CDH13: variants seen among roughly 807,000 people sequenced by gnomAD.
CDH13 encodes the protein cadherin 13.
Under a neutral mutation model 63.8 loss-of-function variants are expected in CDH13, and 24 were observed. That is an observed-to-expected ratio of 0.38 (90% CI 0.27 to 0.53). CDH13 has a LOEUF of 0.53. Ranked by LOEUF, CDH13 falls within the 20% of genes least tolerant of loss-of-function variation. CDH13 has a pLI of 0.85. For missense variants in CDH13, 1,049 were observed against 903.1 expected, an observed-to-expected ratio of 1.16 and a Z score of -2.07; for synonymous variants, 503 against 355.3, an observed-to-expected ratio of 1.42 and a Z score of -4.67.
intron 7 of CDH13, among the ~76,000 whole-genome samples, chr16:83,554,063 A>G (rs1424744247): frequency 6.6e-6 from 1 of 152,210 alleles, no homozygotes; most frequent in Non-Finnish European, 1.5e-5. Flanking sequence ...CTAGGTCAAA[A>G]GGTATGATCA....
In CDH13 at chr16:83,511,229, A is replaced by T. The variant is rs115584277; in HGVS notation, c.960+24574A>T. 8.2e-3 allele frequency among the ~76,000 whole-genome samples: 1,244 copies of T among 152,360 alleles called. 23 individuals are homozygous for T. Among genetic ancestry groups the T allele is most frequent in the African/African-American group, 0.029 (1,202 of 41,584 alleles). ...GTGATCCCAACACTTTGGGAGGCCT[A>T]CAAGGGCAGATCAACTGAAATCAGG... On this transcript the variant is annotated intron_variant, in intron 7 of 13. Transcript: ENST00000567109.
At chr16:83,488,328 A>C (rs2073939677) in intron 7 of CDH13, among the ~76,000 whole-genome samples, 1 of 152,186 alleles carries the variant, frequency 6.6e-6, no homozygotes, top group African/African-American at 2.4e-5. Context: ...ACTGCCTAGC[A>C]TGGTTGAAGT....
chr16:82,943,162 C>G (rs754946754), intron 2 of CDH13, among the ~76,000 whole-genome samples: 6 of 152,278 alleles, frequency 3.9e-5, no homozygotes, highest in Non-Finnish European at 8.8e-5. Flanking sequence ...TTATTGTCAT[C>G]TCCCACTTAC....
intron 5 of CDH13, among the ~76,000 whole-genome samples, chr16:83,276,319 T>C (rs1160894456): frequency 6.6e-6 from 1 of 152,126 alleles, no homozygotes; most frequent in East Asian, 1.9e-4. Context: ...TGGCCCCTCA[T>C]TGAATAAGTT....
chr16:83,753,204 C>T (rs1377248593), intron 11 of CDH13, among the ~76,000 whole-genome samples: 1 of 152,102 alleles, frequency 6.6e-6, no homozygotes, highest in Non-Finnish European at 1.5e-5. Flanking sequence ...AAAAACTTAC[C>T]TCTAGTATTA....
At chr16:83,672,409 CTTTTTTTTTTTTT>C (rs34156503) in intron 9 of CDH13, among the ~76,000 whole-genome samples, 104 of 35,142 alleles carry the variant, frequency 3.0e-3, no homozygotes, top group African/African-American at 7.4e-3. Context: ...TCTGGATTCT[CTTTTTTTTTTTTT>C]TTTTTTTTTT....
intron 7 of CDH13, among the ~76,000 whole-genome samples, chr16:83,599,045 G>T (rs1907533397): frequency 6.6e-6 from 1 of 152,200 alleles, no homozygotes; most frequent in African/African-American, 2.4e-5. Context: ...TCAGGAGTGG[G>T]GTCAGCCCCA....
intron 1 of CDH13, among the ~76,000 whole-genome samples, chr16:82,845,980 G>T (rs186804104): frequency 1.4e-3 from 211 of 152,326 alleles, no homozygotes; most frequent in African/African-American, 4.7e-3. Flanking sequence ...GACAAAAATT[G>T]TGATTTCACT....
intron 2 of CDH13, among the ~76,000 whole-genome samples, chr16:82,959,443 G>C (rs566831670): frequency 6.6e-6 from 1 of 152,168 alleles, no homozygotes. Context: ...GAATGGCTTT[G>C]GTTCCTTTCT....
In CDH13 at chr16:83,268,345, T is replaced by A. The variant is rs532597208; in HGVS notation, c.636+50848T>A. On this transcript the variant is annotated intron_variant, in intron 5 of 13. Transcript: ENST00000567109. ...GGTGAGCTGTGTGTAGCCTGAGGGATCTGGCACATCCTTAGTTCTTTTCGC... is the reference window on the plus strand; with the variant it reads ...GGTGAGCTGTGTGTAGCCTGAGGGAACTGGCACATCCTTAGTTCTTTTCGC... 2.0e-5 allele frequency among the ~76,000 whole-genome samples: 3 copies of A among 152,318 alleles called. No individual in the cohort carries two copies. The East Asian group carries it at 5.8e-4, about 29-fold the overall frequency.
At chr16:82,831,386 A>G (rs2038534413) in intron 1 of CDH13, among the ~76,000 whole-genome samples, 2 of 150,128 alleles carry the variant, frequency 1.3e-5, no homozygotes, top group Admixed American at 6.8e-5. Context: ...CTATTTGATA[A>G]TTATATATCT....
chr16:82,955,515 C>T (rs766297388), intron 2 of CDH13, among the ~76,000 whole-genome samples: 1 of 152,194 alleles, frequency 6.6e-6, no homozygotes, highest in Non-Finnish European at 1.5e-5. Context: ...TCATCAGAAA[C>T]ATTTTTGGCC....
At chr16:83,136,317 A>C (rs1218731205) in intron 4 of CDH13, among the ~76,000 whole-genome samples, 1 of 151,778 alleles carries the variant, frequency 6.6e-6, no homozygotes, top group African/African-American at 2.4e-5. Flanking sequence ...CCCTGTCTCT[A>C]CTAAAAAATA....
At chr16:83,061,203 T>A (rs1220944147) in intron 3 of CDH13, among the ~76,000 whole-genome samples, 1 of 152,178 alleles carries the variant, frequency 6.6e-6, no homozygotes, top group Non-Finnish European at 1.5e-5. Flanking sequence ...TGGTCTAGTG[T>A]AATGTCAGTT....
intron 10 of CDH13, among the ~76,000 whole-genome samples, chr16:83,737,612 C>T (rs948752599): frequency 6.6e-6 from 1 of 152,110 alleles, no homozygotes; most frequent in Non-Finnish European, 1.5e-5. Context: ...ACCTGGTTTC[C>T]ACCTCAGAGT....
chr16:82,808,054 A>C (rs2037242887), intron 1 of CDH13, among the ~76,000 whole-genome samples: 1 of 152,114 alleles, frequency 6.6e-6, no homozygotes, highest in Non-Finnish European at 1.5e-5. Flanking sequence ...TGGGGAGGAG[A>C]GAGTGTAGTC....
At chr16:82,738,703 A>T (rs190790168) in intron 1 of CDH13, among the ~76,000 whole-genome samples, 2 of 152,240 alleles carry the variant, frequency 1.3e-5, no homozygotes, top group Non-Finnish European at 2.9e-5. Context: ...CCTTATTTAA[A>T]TCCTGTGCAT....
At chr16:83,135,507 T>C (rs565732250) in intron 4 of CDH13, among the ~76,000 whole-genome samples, 1 of 152,326 alleles carries the variant, frequency 6.6e-6, no homozygotes, top group Non-Finnish European at 1.5e-5. Flanking sequence ...AGTCTATTTG[T>C]GGTACAAACT....
At chr16:83,549,492 C>T (rs2075450798) in intron 7 of CDH13, among the ~76,000 whole-genome samples, 1 of 152,118 alleles carries the variant, frequency 6.6e-6, no homozygotes, top group South Asian at 2.1e-4. Flanking sequence ...TGCAGGCTGC[C>T]ATATGCTTCA....
Sources: allele counts gnomAD v4.1 joint callset (sites outside exome capture counted in the v4.1 genomes callset), GRCh38; gene constraint gnomAD v4.1.1; transcripts MANE v1.5; gene names NCBI Gene and HGNC (gene_info 2026-07-23, HGNC 2026-07-21).